The following ADCY9 variants were observed in gnomAD, a reference collection of about 807,000 sequenced individuals.
The protein encoded by ADCY9 is adenylate cyclase type 9.
In ADCY9, 50 loss-of-function variants were observed where a neutral mutation model predicts 101.5. That is an observed-to-expected ratio of 0.49 (90% CI 0.39 to 0.62). The LOEUF (loss-of-function observed/expected upper bound fraction) is 0.62. Ranked by LOEUF, ADCY9 falls within the 20% of genes least tolerant of loss-of-function variation. ADCY9 has a pLI of 0.00. For missense variants in ADCY9, 1,662 were observed against 1,800.4 expected (o/e 0.92, Z 1.39); for synonymous variants, 905 against 769.3 (o/e 1.18, Z -2.92).
chr16:4,059,288 G>A (rs1333816171), intron 2 of ADCY9, among the ~76,000 whole-genome samples: 10 of 151,324 alleles, frequency 6.6e-5, no homozygotes, highest in Non-Finnish European at 7.4e-5. Flanking sequence ...GGCTGAGGCA[G>A]GAGAAGTGCT....
rs559930025 is a variant in ADCY9, at chr16:4,095,346, C to T, written c.1693+18404G>A. ...ATCTAAGGTAGACACTTTCCAGATG[C>T]ATTAATGTGGGGGACAACTAGAGGA... is the stretch of plus-strand genomic sequence containing the variant. On this transcript the variant is annotated intron_variant, in intron 2 of 10. Transcript: ENST00000294016. 5.3e-5 allele frequency among the ~76,000 whole-genome samples: 8 copies of T among 152,172 alleles called. No homozygotes were observed. In the South Asian group the frequency reaches 1.7e-3, roughly 32 times the overall value.
intron 3 of ADCY9, among the ~76,000 whole-genome samples, chr16:3,998,678 C>T (rs547570954): frequency 1.7e-5 from 2 of 120,654 alleles, no homozygotes; most frequent in South Asian, 2.7e-4. Flanking sequence ...CACTGCACTC[C>T]AGCCCGGGCA....
chr16:4,020,988 C>G (rs924500492), intron 2 of ADCY9, among the ~76,000 whole-genome samples: 1 of 152,116 alleles, frequency 6.6e-6, no homozygotes, highest in Non-Finnish European at 1.5e-5. Flanking sequence ...AATTTAGAGC[C>G]TATATAAACA....
At chr16:4,089,007 T>A (rs1181876092) in intron 2 of ADCY9, among the ~76,000 whole-genome samples, 1 of 152,022 alleles carries the variant, frequency 6.6e-6, no homozygotes, top group African/African-American at 2.4e-5. Flanking sequence ...GCCCTGGCCA[T>A]CACTAATCTA....
intron 2 of ADCY9, among the ~76,000 whole-genome samples, chr16:4,084,410 C>G (rs1424837224): frequency 6.6e-6 from 1 of 152,016 alleles, no homozygotes; most frequent in African/African-American, 2.4e-5. Context: ...CCGGGCCCAG[C>G]CTCAATAAAG....
chr16:4,027,024 AG>A (rs1321131711), intron 2 of ADCY9, among the ~76,000 whole-genome samples: 1 of 152,190 alleles, frequency 6.6e-6, no homozygotes, highest in Non-Finnish European at 1.5e-5. Context: ...CCAGGTCTTC[AG>A]GTGTAACGTT....
At chr16:3,997,015 C>G (rs1337950782) in intron 3 of ADCY9, among the ~76,000 whole-genome samples, 1 of 152,134 alleles carries the variant, frequency 6.6e-6, no homozygotes, top group African/African-American at 2.4e-5. Context: ...CAGGCGCCCA[C>G]CACCACGCCT....
rs750213995 is a variant in ADCY9 at position 3,979,235 on chromosome 16, G to C, written c.2560C>G (p.Arg854Gly). 1 of 1,614,036 alleles carries C rather than the reference G, an allele frequency of 6.2e-7. No individual in the cohort carries two copies. Among genetic ancestry groups the C allele is most frequent in the Non-Finnish European group, 8.5e-7 (1 of 1,179,994 alleles). Reference sequence around the variant, plus strand: ...CAGCCGGCGATCCACTCCAGCAGGCGCTTGGTGCAGGCCATGACGTCCTCC... The same window carrying C: ...CAGCCGGCGATCCACTCCAGCAGGCCCTTGGTGCAGGCCATGACGTCCTCC... ...FLEDVMACTK[R>G]LLEWIAGWLP... Residue 854 changes from arginine to glycine, a missense_variant, in exon 8 of 11, where the codon CGC becomes GGC. Around this residue, in one of 5 missense-constraint regions of ADCY9, gnomAD observed 624 missense variants for 639.1 expected, o/e 0.98. Transcript: ENST00000294016.
chr16:4,074,766 A>C (rs997929987), intron 2 of ADCY9, among the ~76,000 whole-genome samples: 4 of 152,026 alleles, frequency 2.6e-5, no homozygotes, highest in African/African-American at 9.7e-5. Flanking sequence ...TACAAAGTGG[A>C]AGGTTAAAAA....
chr16:4,101,605 T>A (rs1236404319), intron 2 of ADCY9, among the ~76,000 whole-genome samples: 1 of 152,170 alleles, frequency 6.6e-6, no homozygotes, highest in Non-Finnish European at 1.5e-5. Flanking sequence ...CACTGTCTAC[T>A]TCCCTTTCTA....
intron 2 of ADCY9, chr16:4,032,692 G>C (rs148330780): frequency 6.6e-6 from 1 of 151,792 alleles, no homozygotes; most frequent in Non-Finnish European, 1.5e-5. Context: ...TGTATTTTTA[G>C]TACAGGTGAG....
At chr16:4,027,750 G>A (rs1406494728) in intron 2 of ADCY9, among the ~76,000 whole-genome samples, 4 of 152,070 alleles carry the variant, frequency 2.6e-5, no homozygotes. Context: ...GGTGGTCCAT[G>A]CCTGTAATCC....
At chr16:4,004,837 T>G (rs1330958118) in intron 3 of ADCY9, among the ~76,000 whole-genome samples, 1 of 152,182 alleles carries the variant, frequency 6.6e-6, no homozygotes. Flanking sequence ...GAACGGTGAA[T>G]GCAGACAGGA....
Position 3,989,091 on chromosome 16 carries a change from A to C in ADCY9, c.2213T>G (p.Met738Arg). The change falls in exon 6 of 11, where the codon ATG becomes AGG. Residue 738 changes from methionine (M) to arginine (R), a missense_variant. Around this residue, in one of 5 missense-constraint regions of ADCY9, gnomAD observed 624 missense variants for 639.1 expected, o/e 0.98. Coordinates refer to ENST00000294016, the MANE Select transcript of ADCY9 (RefSeq NM_001116.4). ...FVDVIKEDSL[M>R]KDYFFKPPIN... ...GGGCGGCTTAAAAAAGTAATCTTTCATCAGGCTAGAAGACACAACAAATGC... is the reference window on the plus strand; with the variant it reads ...GGGCGGCTTAAAAAAGTAATCTTTCCTCAGGCTAGAAGACACAACAAATGC... 1 of 1,612,044 alleles carries C rather than the reference A, an allele frequency of 6.2e-7. No homozygotes were observed. Among genetic ancestry groups the C allele is most frequent in the Non-Finnish European group, 8.5e-7 (1 of 1,178,110 alleles).
chr16:3,985,908 T>G (rs908814389), intron 6 of ADCY9, among the ~76,000 whole-genome samples: 1 of 151,534 alleles, frequency 6.6e-6, no homozygotes, highest in African/African-American at 2.4e-5. Context: ...ATCCCGGGAG[T>G]GCCACCTGTC....
chr16:4,115,370 T>G lies in ADCY9; in HGVS notation c.73A>C (p.Ser25Arg). 6.2e-7 allele frequency: 1 copy of G among 1,607,620 alleles called. No homozygotes were observed. Among genetic ancestry groups the G allele is most frequent in the Non-Finnish European group, 8.5e-7 (1 of 1,177,368 alleles). Residue 25 changes from serine to arginine, a missense_variant, in exon 2 of 11, where the codon AGC becomes CGC. By Grantham distance (110) the Ser-to-Arg change is moderately radical. Coordinates refer to ENST00000294016, the MANE Select transcript of ADCY9 (RefSeq NM_001116.4). The surrounding 1 kb of genome is among the most constrained non-coding windows in gnomAD (Gnocchi z 6.2). Reference sequence around the variant, plus strand: ...TTGATCTTGACGCGCACGCTGTTGCTGTCCCCGCTGGAGTCGCAGCTCACC... The same window carrying G: ...TTGATCTTGACGCGCACGCTGTTGCGGTCCCCGCTGGAGTCGCAGCTCACC... Reference protein sequence around the residue: ...TEVSCDSSGDSNSVRVKINPK... With the variant: ...TEVSCDSSGDRNSVRVKINPK...
chr16:3,973,204 T>G (rs947702770), intron 10 of ADCY9, among the ~76,000 whole-genome samples: 1 of 152,184 alleles, frequency 6.6e-6, no homozygotes, highest in African/African-American at 2.4e-5. Flanking sequence ...AATGAATCTT[T>G]TTTTTATTTT....
intron 2 of ADCY9, among the ~76,000 whole-genome samples, chr16:4,097,231 G>A (rs938277887): frequency 6.6e-6 from 1 of 151,680 alleles, no homozygotes; most frequent in Non-Finnish European, 1.5e-5. Context: ...CCACACTCTG[G>A]CGCCCCTGGG....
rs752621995 is a variant in ADCY9 at position 3,992,191 on chromosome 16, C to T, written c.2162G>A (p.Arg721Gln). Residue 721 changes from arginine to glutamine, a missense_variant, in exon 5 of 11, where the codon CGG becomes CAG. Physicochemically the swap from Arg to Gln is conservative, Grantham distance 43. Coordinates refer to ENST00000294016, the MANE Select transcript of ADCY9 (RefSeq NM_001116.4). The surrounding 1 kb of genome is among the most constrained non-coding windows in gnomAD (Gnocchi z 4.2). ...ALLPLRFKNI[R>Q]EKTDAHFVDV... Reference sequence around the variant, plus strand: ...CACAAAGTGGGCGTCCGTTTTCTCCCGGATGTTCTTGAACCTCAGCGGAAG... The same window carrying T: ...CACAAAGTGGGCGTCCGTTTTCTCCTGGATGTTCTTGAACCTCAGCGGAAG... The T allele has an allele frequency of 9.3e-6, 15 of 1,614,048 alleles. No homozygotes were observed. The highest frequency in any genetic ancestry group is 4.5e-5 in the East Asian group (2 of 44,896).
Sources: gnomAD v4.1 joint callset for allele counts (sites outside exome capture counted in the v4.1 genomes callset) on GRCh38, gnomAD v4.1.1 for gene constraint, gnomAD v4.1.1 regional missense constraint, Gnocchi (gnomAD v3.1) non-coding constraint, MANE v1.5 for transcripts, NCBI Gene and HGNC (gene_info 2026-07-23, HGNC 2026-07-21) for gene names.